The following MALRD1 variants were observed in gnomAD, a reference collection of about 807,000 sequenced individuals.
MALRD1 encodes MAM and LDL-receptor class A domain-containing protein 1.
MALRD1 carries 247 observed loss-of-function variants against 242.1 expected under a neutral mutation model. The ratio of observed to expected loss-of-function variants is 1.02; its 90% CI spans 0.92 to 1.13. MALRD1 has a LOEUF of 1.13. Among genes scored for constraint, MALRD1 ranks in the 50% most tolerant of loss-of-function variants. MALRD1 has a pLI of 0.00. For missense variants in MALRD1, 2,989 were observed against 2,533.1 expected (o/e 1.18, Z -3.86); for synonymous variants, 995 against 866.6 (o/e 1.15, Z -2.60).
At chr10:19,489,425 A>C in intron 29 of MALRD1, 1 of 577,288 alleles carries the variant, frequency 1.7e-6, no homozygotes, top group South Asian at 1.4e-5. Context: ...ATGTCTTATC[A>C]GTGGTCCCTG....
At chr10:19,590,863 C>T (rs1306561485) in intron 33 of MALRD1, among the ~76,000 whole-genome samples, 3 of 152,118 alleles carry the variant, frequency 2.0e-5, no homozygotes, top group Admixed American at 1.3e-4. Flanking sequence ...ACATTTGTTA[C>T]AATCAGTGAG....
intron 38 of MALRD1, chr10:19,710,187 G>T (rs1834043029): frequency 1.3e-5 from 2 of 152,074 alleles, no homozygotes; most frequent in Admixed American, 1.3e-4. Flanking sequence ...ATTTAATTTG[G>T]ATGTCTATAT....
intron 36 of MALRD1, among the ~76,000 whole-genome samples, chr10:19,622,478 C>T (rs1021957335): frequency 1.3e-5 from 2 of 151,652 alleles, no homozygotes; most frequent in African/African-American, 4.8e-5. Context: ...AAAAACATTT[C>T]CTTTCCTGGA....
chr10:19,692,643 C>A, intron 38 of MALRD1, 89 bp downstream of exon 38: 3 of 993,404 alleles, frequency 3.0e-6, no homozygotes, highest in Non-Finnish European at 4.4e-6. Context: ...TCTTTCACTC[C>A]ATATTACATG....
chr10:19,216,371 C>T (rs1837315286), intron 18 of MALRD1, among the ~76,000 whole-genome samples: 1 of 151,866 alleles, frequency 6.6e-6, no homozygotes, highest in African/African-American at 2.4e-5. Flanking sequence ...CTGACTCGGC[C>T]TCCCAAAGCG....
intron 4 of MALRD1, among the ~76,000 whole-genome samples, chr10:19,096,378 G>C (rs562175694): frequency 6.6e-6 from 1 of 152,156 alleles, no homozygotes; most frequent in Non-Finnish European, 1.5e-5. Context: ...AAGCAGATAC[G>C]TGTGCAATAT....
chr10:19,075,760 GT>G (rs1835297879), intron 2 of MALRD1, among the ~76,000 whole-genome samples: 1 of 152,022 alleles, frequency 6.6e-6, no homozygotes, highest in African/African-American at 2.4e-5. Flanking sequence ...AAGCCACACC[GT>G]GCTGGGACTT....
intron 18 of MALRD1, among the ~76,000 whole-genome samples, chr10:19,231,548 C>G (rs182250459): frequency 6.6e-6 from 1 of 152,180 alleles, no homozygotes; most frequent in East Asian, 1.9e-4. Flanking sequence ...GCGGTTTCCC[C>G]CTGCTGTTCT....
chr10:19,050,738 A>G (rs1185199030), intron 1 of MALRD1, among the ~76,000 whole-genome samples: 1 of 152,172 alleles, frequency 6.6e-6, no homozygotes, highest in East Asian at 1.9e-4. Context: ...TGTCTGGAAG[A>G]GCCCTTACTG....
At chr10:19,600,737 C>T (rs911156663) in intron 34 of MALRD1, among the ~76,000 whole-genome samples, 28 of 152,234 alleles carry the variant, frequency 1.8e-4, no homozygotes, top group Admixed American at 3.3e-4. Flanking sequence ...CAGGAAGTAG[C>T]GCCAATGAAC....
chr10:19,400,923 G>A (rs1212649990), intron 28 of MALRD1, among the ~76,000 whole-genome samples: 1 of 152,070 alleles, frequency 6.6e-6, no homozygotes, highest in Non-Finnish European at 1.5e-5. Flanking sequence ...GGCTGAGGCA[G>A]GAGAATCGCT....
At chr10:19,682,157 G>T (rs1842398807) in intron 36 of MALRD1, among the ~76,000 whole-genome samples, 1 of 152,156 alleles carries the variant, frequency 6.6e-6, no homozygotes. Flanking sequence ...ATCAACTTGA[G>T]TAAACCCTCT....
chr10:19,343,110 T>TATC (rs1332478307), intron 24 of MALRD1, among the ~76,000 whole-genome samples: 2 of 152,122 alleles, frequency 1.3e-5, no homozygotes, highest in Non-Finnish European at 2.9e-5. Flanking sequence ...TCATTCTGTA[T>TATC]ATCACAGTGT....
At chr10:19,230,386 C>G (rs180901096) in intron 18 of MALRD1, among the ~76,000 whole-genome samples, 2,154 of 150,022 alleles carry the variant, frequency 0.014, 42 homozygotes, top group African/African-American at 0.051. Flanking sequence ...GCACCTGCTT[C>G]CAGGGGGGGC....
chr10:19,558,971 G>A (rs1335330508), intron 32 of MALRD1, among the ~76,000 whole-genome samples: 1 of 151,886 alleles, frequency 6.6e-6, no homozygotes, highest in Non-Finnish European at 1.5e-5. Context: ...ATCACTTGAG[G>A]TTAGGGATTC....
At chr10:19,716,010 A>C (rs1207582634) in intron 38 of MALRD1, among the ~76,000 whole-genome samples, 2 of 152,176 alleles carry the variant, frequency 1.3e-5, no homozygotes, top group African/African-American at 4.8e-5. Context: ...ACTTTCCAAC[A>C]TTGGAGGTCA....
intron 34 of MALRD1, among the ~76,000 whole-genome samples, chr10:19,597,253 T>C (rs928099887): frequency 2.0e-5 from 3 of 152,204 alleles, no homozygotes; most frequent in Non-Finnish European, 4.4e-5. Flanking sequence ...TCTAATGTAA[T>C]TTGGCTGATA....
intron 14 of MALRD1, among the ~76,000 whole-genome samples, chr10:19,188,550 C>A (rs530776370): frequency 6.6e-6 from 1 of 151,606 alleles, no homozygotes; most frequent in Non-Finnish European, 1.5e-5. Flanking sequence ...ACACTGTGAT[C>A]TTTTTTTGTC....
At chr10:19,467,754 T>C (rs1836292982) in intron 29 of MALRD1, among the ~76,000 whole-genome samples, 1 of 151,410 alleles carries the variant, frequency 6.6e-6, no homozygotes, top group South Asian at 2.1e-4. Flanking sequence ...ATTATTTCCC[T>C]GGTTGCCTAA....
Sources: gnomAD v4.1 joint callset for allele counts (sites outside exome capture counted in the v4.1 genomes callset) on GRCh38, gnomAD v4.1.1 for gene constraint, MANE v1.5 for transcripts, NCBI Gene and HGNC (gene_info 2026-07-23, HGNC 2026-07-21) for gene names.